The following PCDHGB3 variants were observed in gnomAD, a reference collection of about 807,000 sequenced individuals.
PCDHGB3 encodes protocadherin gamma-B3.
A neutral mutation model predicts 59.2 loss-of-function variants in PCDHGB3; 40 were observed. The ratio of observed to expected loss-of-function variants is 0.68; its 90% CI spans 0.52 to 0.88. The LOEUF (loss-of-function observed/expected upper bound fraction) is 0.88, where lower values mean the gene tolerates loss of function less well. Ranked by LOEUF, PCDHGB3 falls within the 40% of genes least tolerant of loss-of-function variation. The probability of loss-of-function intolerance (pLI) is 0.00; values close to 1 mark genes in which losing one functional copy is unlikely to be tolerated. For missense variants in PCDHGB3, 1,309 were observed against 1,187.9 expected (o/e 1.10, Z -1.50); for synonymous variants, 581 against 503.6 (o/e 1.15, Z -2.06).
intron 1 of PCDHGB3, among the ~76,000 whole-genome samples, chr5:141,429,387 T>TA (rs11410533): frequency 0.01 from 1,566 of 151,436 alleles, 8 homozygotes; most frequent in Middle Eastern, 0.031. Flanking sequence ...GTTTTTTTTT[T>TA]AAAAAAAATT....
intron 1 of PCDHGB3, among the ~76,000 whole-genome samples, chr5:141,447,165 G>T (rs1192617600): frequency 6.6e-6 from 1 of 151,842 alleles, no homozygotes; most frequent in African/African-American, 2.4e-5. Flanking sequence ...TTTAAGCGGG[G>T]TCTTGCTCTT....
At chr5:141,481,813 G>C (rs185558948) in intron 1 of PCDHGB3, among the ~76,000 whole-genome samples, 1 of 151,824 alleles carries the variant, frequency 6.6e-6, no homozygotes, top group African/African-American at 2.4e-5. Flanking sequence ...TTCACCAGGC[G>C]TGGTGGCTGA....
At chr5:141,395,067 AC>A (rs1479370833) in intron 1 of PCDHGB3, 1 of 1,613,888 alleles carries the variant, frequency 6.2e-7, no homozygotes, top group African/African-American at 1.3e-5. Flanking sequence ...TTTCCTGCAG[AC>A]CTATTCCCAG....
chr5:141,483,814 C>A (rs1262593892), intron 1 of PCDHGB3, among the ~76,000 whole-genome samples: 4 of 151,994 alleles, frequency 2.6e-5, no homozygotes, highest in African/African-American at 9.7e-5. Flanking sequence ...TTTTTGGCAG[C>A]CAGTGTAACC....
chr5:141,462,552 T>G (rs966816379), intron 1 of PCDHGB3, among the ~76,000 whole-genome samples: 4 of 152,194 alleles, frequency 2.6e-5, no homozygotes, highest in African/African-American at 9.6e-5. Context: ...TCTTCTTCAG[T>G]GTTTACTGTA....
intron 1 of PCDHGB3, chr5:141,399,759 G>A: frequency 1.2e-6 from 2 of 1,613,348 alleles, no homozygotes; most frequent in Non-Finnish European, 1.7e-6. Flanking sequence ...ACGTGAGCCT[G>A]CGCGTGTTGG....
Position 141,421,230 on chromosome 5 carries a change from G to A in PCDHGB3, c.2415+48421G>A, listed in dbSNP as rs530853994. 1.9e-6 allele frequency: 3 copies of A among 1,590,132 alleles called. No individual in the cohort carries two copies. The East Asian group carries it at 6.7e-5, about 36-fold the overall frequency. The stretch of plus-strand genomic sequence containing the variant: ...GGAATATCGGCTTAGAGCCTGCCAT[G>A]GCGAATCGGCTACAGCGCGGGGACC... On this transcript the variant is annotated intron_variant, in intron 1 of 3. Coordinates refer to ENST00000576222, the MANE Select transcript of PCDHGB3 (RefSeq NM_018924.5).
At chr5:141,408,697 C>T (rs58047392) in intron 1 of PCDHGB3, 227,396 of 1,612,898 alleles carry the variant, frequency 0.14, 18,149 homozygotes, top group African/African-American at 0.31. Context: ...TAAACATAAA[C>T]TCAATTAAAG....
rs369748404 is a variant in PCDHGB3 at position 141,476,671 on chromosome 5, G to A, written c.2416-18136G>A. The A allele has an allele frequency of 6.2e-7, 1 of 1,614,128 alleles. No homozygotes were observed. Among genetic ancestry groups the A allele is most frequent in the Non-Finnish European group, 8.5e-7 (1 of 1,180,056 alleles). On this transcript the variant is annotated intron_variant, in intron 1 of 3. Coordinates refer to ENST00000576222, the MANE Select transcript of PCDHGB3 (RefSeq NM_018924.5). This position sits in a 1 kb window ranked among gnomAD's most constrained non-coding sequence, Gnocchi z 7.6. ...ATGAATACTTTGCGCTTCGCGTGCA[G>A]ACGCGGGAGGACAGCACCAAGTACG...
chr5:141,494,675 C>A, intron 1 of PCDHGB3, 132 bp from the exon 2 acceptor site: 2 of 1,548,574 alleles, frequency 1.3e-6, no homozygotes, highest in South Asian at 1.2e-5. Flanking sequence ...TGAGTCCACC[C>A]CTGCCCCCTC....
At chr5:141,410,060 G>C in intron 1 of PCDHGB3, 1 of 1,613,108 alleles carries the variant, frequency 6.2e-7, no homozygotes, top group Non-Finnish European at 8.5e-7. Flanking sequence ...CTTCAGCCTG[G>C]GGCTGCGCAC....
intron 1 of PCDHGB3, chr5:141,376,339 C>G: frequency 6.2e-7 from 1 of 1,614,192 alleles, no homozygotes; most frequent in Non-Finnish European, 8.5e-7. Flanking sequence ...TCCTGCAGAC[C>G]TATTCCCACG....
At position 141,485,704 on chromosome 5, in the gene PCDHGB3, CTT is replaced by C; in HGVS notation, c.2416-9101_2416-9100del. On this transcript the variant is annotated intron_variant, in intron 1 of 3. Coordinates refer to ENST00000576222, the MANE Select transcript of PCDHGB3 (RefSeq NM_018924.5). The surrounding 1 kb of genome is among the most constrained non-coding windows in gnomAD (Gnocchi z 5.7). ...GCTATAGGCTGAGCTCCAATGAACA[CTT>C]TGCACTGGATGTGAAGAAGCGCAGC... is the stretch of plus-strand genomic sequence containing the variant. 6.2e-7 allele frequency: 1 copy of C among 1,614,180 alleles called. No homozygotes were observed. The highest frequency in any genetic ancestry group is 8.5e-7 in the Non-Finnish European group (1 of 1,180,032).
In PCDHGB3 at chr5:141,398,540, T is replaced by C. The variant is rs372892054; in HGVS notation, c.2415+25731T>C. On this transcript the variant is annotated intron_variant, in intron 1 of 3. Transcript: ENST00000576222. The stretch of plus-strand genomic sequence containing the variant: ...ACGCCAAAATTCACGCAAAATTCCT[T>C]TGAGCTGCAAATAAGTGAGTCTGCA... 12 of 1,613,764 alleles carry C rather than the reference T, an allele frequency of 7.4e-6. No homozygotes were observed. The African/African-American group carries it at 1.2e-4, about 16-fold the overall frequency.
At chr5:141,478,231 T>C (rs1423148) in intron 1 of PCDHGB3, 739,438 of 1,613,786 alleles carry the variant, frequency 0.46, 177,434 homozygotes, top group African/African-American at 0.83. Flanking sequence ...CTGTGGGGTT[T>C]GTGGTCACAG....
chr5:141,478,617 G>A (rs1010415342), intron 1 of PCDHGB3: 1 of 1,556,398 alleles, frequency 6.4e-7, no homozygotes, highest in Non-Finnish European at 8.7e-7. Context: ...AGGAAGGAAT[G>A]GAGCTGTTTT....
intron 1 of PCDHGB3, chr5:141,382,891 A>C (rs1428861059): frequency 6.5e-7 from 1 of 1,533,794 alleles, no homozygotes; most frequent in Non-Finnish European, 8.8e-7. Flanking sequence ...CAAGAGAAGC[A>C]GGACGACTAT....
At chr5:141,414,583 G>A (rs570765907) in intron 1 of PCDHGB3, 1 of 1,613,736 alleles carries the variant, frequency 6.2e-7, no homozygotes, top group Non-Finnish European at 8.5e-7. Context: ...AGAGAACAAC[G>A]CCAGGGGTGC....
At chr5:141,510,169 A>G (rs927072830) in intron 3 of PCDHGB3, among the ~76,000 whole-genome samples, 7 of 151,230 alleles carry the variant, frequency 4.6e-5, no homozygotes, top group Non-Finnish European at 1.0e-4. Context: ...GCTACTCAGG[A>G]GGTTGAGGCA....
Sources: gnomAD v4.1 joint callset for allele counts (sites outside exome capture counted in the v4.1 genomes callset) on GRCh38, gnomAD v4.1.1 for gene constraint, Gnocchi (gnomAD v3.1) non-coding constraint, MANE v1.5 for transcripts, NCBI Gene and HGNC (gene_info 2026-07-23, HGNC 2026-07-21) for gene names.